EYA4: variants seen among roughly 807,000 people sequenced by gnomAD.
The protein encoded by EYA4 is protein phosphatase EYA4.
EYA4 carries 31 observed loss-of-function variants against 87.9 expected under a neutral mutation model. That is an observed-to-expected ratio of 0.35 (90% CI 0.27 to 0.48). The LOEUF is 0.48. Among genes scored for constraint, EYA4 ranks in the 20% least tolerant of loss-of-function variants. EYA4 has a pLI of 0.99. For synonymous variants in EYA4, 263 were observed against 270.6 expected, an observed-to-expected ratio of 0.97 and a Z score of 0.28; for missense variants, 678 against 761.4, an observed-to-expected ratio of 0.89 and a Z score of 1.29.
At chr6:133,441,079 T>C (rs929738298) in intron 3 of EYA4, among the ~76,000 whole-genome samples, 3 of 152,160 alleles carry the variant, frequency 2.0e-5, no homozygotes, top group Non-Finnish European at 4.4e-5. Flanking sequence ...TGACCATTAC[T>C]TATTCCAATA....
intron 3 of EYA4, among the ~76,000 whole-genome samples, chr6:133,418,434 C>T (rs1447523022): frequency 6.6e-6 from 1 of 152,158 alleles, no homozygotes; most frequent in Non-Finnish European, 1.5e-5. Context: ...GTATTAATTG[C>T]TCAAAAACAT....
chr6:133,461,315 C>A, intron 7 of EYA4, 135 bp downstream of exon 7: 2 of 721,876 alleles, frequency 2.8e-6, no homozygotes. Flanking sequence ...TGGAGACACC[C>A]ACATGTATCT....
intron 2 of EYA4, among the ~76,000 whole-genome samples, chr6:133,281,850 T>C (rs919445186): frequency 6.6e-6 from 1 of 152,166 alleles, no homozygotes; most frequent in Non-Finnish European, 1.5e-5. Context: ...AGCTCTCACA[T>C]CTAAGTGAGA....
At chr6:133,503,390 A>G (rs1163249225) in intron 13 of EYA4, among the ~76,000 whole-genome samples, 1 of 152,342 alleles carries the variant, frequency 6.6e-6, no homozygotes, top group South Asian at 2.1e-4. Flanking sequence ...GGCAAATCAT[A>G]GGATAAGAGC....
rs1562368948 is a variant in EYA4 at position 133,394,282 on chromosome 6, G to GTATT, written c.83+11842_83+11843insATTT. Among the ~76,000 whole-genome samples, 49 of 107,804 alleles carry GTATT rather than the reference G, an allele frequency of 4.5e-4. 8 individuals are homozygous for GTATT. The highest frequency in any genetic ancestry group is 1.1e-3 in the South Asian group (4 of 3,700). 70.7% of individuals were successfully genotyped at this position (107,804 alleles called of 152,430 possible). ...GTTGGAAAAATGTATATATAAGCTT[G>GTATT]TGTTTTTTTTTTTTTTTTTTTTTTT... On this transcript the variant is annotated intron_variant, in intron 3 of 19. Coordinates refer to ENST00000355286, the MANE Select transcript of EYA4 (RefSeq NM_004100.5).
intron 1 of EYA4, among the ~76,000 whole-genome samples, chr6:133,273,252 G>A (rs1055401324): frequency 3.9e-5 from 6 of 151,972 alleles, no homozygotes; most frequent in African/African-American, 1.5e-4. Flanking sequence ...AGGGCAGGAG[G>A]CATCTAGCAC....
intron 2 of EYA4, among the ~76,000 whole-genome samples, chr6:133,283,723 G>A (rs141075829): frequency 3.3e-5 from 5 of 152,160 alleles, no homozygotes; most frequent in South Asian, 4.2e-4. Context: ...GTTTTGTTAC[G>A]TGGATATATT....
At chr6:133,398,258 A>G (rs913596368) in intron 3 of EYA4, among the ~76,000 whole-genome samples, 3 of 152,194 alleles carry the variant, frequency 2.0e-5, no homozygotes, top group Non-Finnish European at 4.4e-5. Context: ...AATTGAGTCC[A>G]TGTGTATGCT....
chr6:133,475,923 T>C (rs2128693769), intron 11 of EYA4, among the ~76,000 whole-genome samples: 2 of 152,304 alleles, frequency 1.3e-5, no homozygotes, highest in Middle Eastern at 3.4e-3. Context: ...CTGCAGGGCA[T>C]GCTCTTTTGC....
chr6:133,271,433 G>T (rs1486711092), intron 1 of EYA4, among the ~76,000 whole-genome samples: 1 of 152,182 alleles, frequency 6.6e-6, no homozygotes, highest in Non-Finnish European at 1.5e-5. Context: ...AGTGGAAAAG[G>T]CATTCCGTGA....
At chr6:133,528,600 T>G in intron 19 of EYA4, 125 bp from the exon 20 acceptor site, 1 of 805,500 alleles carries the variant, frequency 1.2e-6, no homozygotes, top group Non-Finnish European at 2.3e-6. Context: ...CTCTCTCCCC[T>G]GAACTTGGGT....
At chr6:133,481,311 G>A in intron 11 of EYA4, 152 bp from the exon 12 acceptor site, 4 of 732,980 alleles carry the variant, frequency 5.5e-6, no homozygotes, top group Non-Finnish European at 9.3e-6. Flanking sequence ...CAAAAGTTCT[G>A]ACTGACTTGT....
chr6:133,398,596 CAT>C (rs985761976), intron 3 of EYA4, among the ~76,000 whole-genome samples: 2 of 151,992 alleles, frequency 1.3e-5, no homozygotes, highest in Non-Finnish European at 2.9e-5. Flanking sequence ...CTAAGTGTGA[CAT>C]GTGTTTTTTA....
chr6:133,508,142 G>T (rs1039468853), intron 14 of EYA4, among the ~76,000 whole-genome samples: 1 of 152,034 alleles, frequency 6.6e-6, no homozygotes, highest in Non-Finnish European at 1.5e-5. Context: ...TGTTGTTGTT[G>T]TTGTTTTTCT....
chr6:133,408,341 C>A (rs545314029), intron 3 of EYA4, among the ~76,000 whole-genome samples: 1 of 152,228 alleles, frequency 6.6e-6, no homozygotes, highest in East Asian at 1.9e-4. Context: ...CCCCAGAATT[C>A]TTTTATGTGG....
chr6:133,525,104 G>T (rs760603670), intron 18 of EYA4, 50 bp from the exon 19 acceptor site: 3 of 1,613,500 alleles, frequency 1.9e-6, no homozygotes, highest in Non-Finnish European at 1.7e-6. Context: ...TGAGGAGCAT[G>T]CCGCTAACCA....
chr6:133,462,116 C>T lies in EYA4; in HGVS notation c.438-219C>T, dbSNP rs192470410. 6.8e-4 allele frequency: 406 copies of T among 594,540 alleles called. 1 individual carries two copies. The highest frequency in any genetic ancestry group is 6.7e-3 in the African/African-American group (359 of 53,960). The allele number at this position is 594,540 out of a possible 1,614,324, so 36.8% of individuals were successfully genotyped here. A position where few individuals can be genotyped will look rare whatever the true frequency, so the allele number is the denominator to read the frequency against. ...TCTACTTTTACAGGTGTGGTATAGA[C>T]ATAGGGAGTTTAAATCATTTGTCTA... On this transcript the variant is annotated intron_variant, in intron 7 of 19. Transcript: ENST00000355286.
intron 2 of EYA4, among the ~76,000 whole-genome samples, chr6:133,366,053 G>T (rs1028072703): frequency 6.6e-6 from 1 of 152,164 alleles, no homozygotes; most frequent in Non-Finnish European, 1.5e-5. Flanking sequence ...AACTGCTTAG[G>T]GGATTACTGT....
chr6:133,259,769 C>A (rs565444163), intron 1 of EYA4, among the ~76,000 whole-genome samples: 15 of 152,270 alleles, frequency 9.9e-5, no homozygotes, highest in African/African-American at 3.6e-4. Context: ...GTGTTTGGGA[C>A]TTCTCCCTCC....
Sources: gnomAD v4.1 joint callset for allele counts (sites outside exome capture counted in the v4.1 genomes callset) on GRCh38, gnomAD v4.1.1 for gene constraint, MANE v1.5 for transcripts, NCBI Gene and HGNC (gene_info 2026-07-23, HGNC 2026-07-21) for gene names.